BTBD8: variants seen among roughly 807,000 people sequenced by gnomAD.
BTBD8 encodes BTB domain containing 8, also known as BTB/POZ domain-containing protein 8.
Under a neutral mutation model 162.9 loss-of-function variants are expected in BTBD8, and 110 were observed. The ratio of observed to expected loss-of-function variants is 0.68; its 90% CI spans 0.58 to 0.79. The LOEUF is 0.79. BTBD8 is among the 30% of genes least tolerant of loss of function. BTBD8 has a pLI of 0.00. For synonymous variants in BTBD8, 667 were observed against 716.1 expected (o/e 0.93, Z 1.10); for missense variants, 1,905 against 2,085.4 (o/e 0.91, Z 1.68).
intron 4 of BTBD8, among the ~76,000 whole-genome samples, chr1:92,119,883 C>A (rs1318202087): frequency 7.1e-6 from 1 of 140,060 alleles, no homozygotes; most frequent in Admixed American, 7.3e-5. Flanking sequence ...CCACTGCACC[C>A]GGCCCTTTTC....
intron 16 of BTBD8, among the ~76,000 whole-genome samples, chr1:92,179,713 G>C (rs1030730619): frequency 1.3e-5 from 2 of 152,044 alleles, no homozygotes; most frequent in African/African-American, 2.4e-5. Context: ...GTTTCCACTG[G>C]AGATCTAAGT....
chr1:92,132,821 T>C (rs1222203678), intron 5 of BTBD8, among the ~76,000 whole-genome samples: 13 of 152,096 alleles, frequency 8.5e-5, no homozygotes, highest in Admixed American at 7.9e-4. Context: ...GCATTGAAAA[T>C]GAAGATACTT....
rs1285034976 is a variant in BTBD8 at position 92,181,351 on chromosome 1, G to T, written c.3668G>T (p.Ser1223Ile). 3.2e-6 allele frequency: 5 copies of T among 1,551,618 alleles called. No individual in the cohort carries two copies. Among genetic ancestry groups the T allele is most frequent in the Non-Finnish European group, 4.4e-6 (5 of 1,146,964 alleles). Residue 1223 changes from serine to isoleucine, a missense_variant, in exon 17 of 18, where the codon AGC becomes ATC. Physicochemically the swap from Ser to Ile is moderately radical, Grantham distance 142. Coordinates refer to ENST00000636805, the MANE Select transcript of BTBD8 (RefSeq NM_001376131.1). ...KNMETSESPE[S>I]HETPETPFVG... Reference sequence around the variant, plus strand: ...ATGGAAACATCAGAATCTCCAGAGAGCCATGAAACTCCAGAAACTCCATTT... The same window carrying T: ...ATGGAAACATCAGAATCTCCAGAGATCCATGAAACTCCAGAAACTCCATTT...
chr1:92,183,886 A>G lies in BTBD8; in HGVS notation c.4935A>G (p.Thr1645=), dbSNP rs1377735666. 2 of 1,549,804 alleles carry G rather than the reference A, an allele frequency of 1.3e-6. No individual in the cohort carries two copies. Among genetic ancestry groups the G allele is most frequent in the South Asian group, 2.4e-5 (2 of 83,934 alleles). Reference sequence around the variant, plus strand: ...CAGGAGACATAGATGATTGTGACACACTGGCACAAACCCGCATGTATGACC... The same window carrying G: ...CAGGAGACATAGATGATTGTGACACGCTGGCACAAACCCGCATGTATGACC... ...LSAGDIDDCD[T]LAQTRMYDHR... is the part of the protein sequence containing the mutation. The change falls in exon 18 of 18, where the codon ACA becomes ACG. Residue 1645 remains threonine, a synonymous_variant. Coordinates refer to ENST00000636805, the MANE Select transcript of BTBD8 (RefSeq NM_001376131.1).
At chr1:92,083,907 A>G (rs1356099838) in intron 1 of BTBD8, among the ~76,000 whole-genome samples, 3 of 152,224 alleles carry the variant, frequency 2.0e-5, no homozygotes, top group African/African-American at 7.2e-5. Context: ...CATGTAGGCT[A>G]CTACCATACC....
rs60531456 is a variant in BTBD8, at chr1:92,128,020, A to G, written c.663-1667A>G. ...CTATCTGGCATTTATTTCTCTAGCAAACTTTTTAAAAAGTGAACTTATGTT... is the reference window on the plus strand; with the variant it reads ...CTATCTGGCATTTATTTCTCTAGCAGACTTTTTAAAAAGTGAACTTATGTT... On this transcript the variant is annotated intron_variant, in intron 4 of 17. Coordinates refer to ENST00000636805, the MANE Select transcript of BTBD8 (RefSeq NM_001376131.1). Among the ~76,000 whole-genome samples, 443 of 152,296 alleles carry G rather than the reference A, an allele frequency of 2.9e-3. 1 individual carries two copies. Among genetic ancestry groups the G allele is most frequent in the African/African-American group, 9.6e-3 (400 of 41,560 alleles).
chr1:92,088,238 T>G (rs1381901908), intron 1 of BTBD8, among the ~76,000 whole-genome samples: 1 of 152,336 alleles, frequency 6.6e-6, no homozygotes, highest in East Asian at 1.9e-4. Flanking sequence ...TCTACTGATA[T>G]GTGTGGTTTG....
At chr1:92,089,307 C>T (rs1230369036) in intron 2 of BTBD8, among the ~76,000 whole-genome samples, 1 of 151,978 alleles carries the variant, frequency 6.6e-6, no homozygotes, top group African/African-American at 2.4e-5. Context: ...TAGTTGTGAC[C>T]GAAATGTCTC....
chr1:92,122,361 C>T (rs888780949), intron 4 of BTBD8, among the ~76,000 whole-genome samples: 1 of 150,914 alleles, frequency 6.6e-6, no homozygotes, highest in Non-Finnish European at 1.5e-5. Context: ...CAGGTTCAAA[C>T]GATTCTCCTG....
At position 92,102,574 on chromosome 1, in the gene BTBD8, G is replaced by A. The variant is rs748410461; in HGVS notation, c.449G>A (p.Ser150Asn). The change falls in exon 3 of 18, where the codon AGT becomes AAT. Residue 150 changes from serine (S) to asparagine (N), a missense_variant. Transcript: ENST00000636805. ...IGISQKQLDISFPKCENSSDC... is the reference protein window; with the variant it reads ...IGISQKQLDINFPKCENSSDC... ...ATATCACAAAAGCAACTTGACATCA[G>A]TTTTCCAAAGTGTGAAAACTCATCT... is the stretch of plus-strand genomic sequence containing the variant. The A allele has an allele frequency of 1.3e-6, 2 of 1,598,464 alleles. No individual in the cohort carries two copies. Among genetic ancestry groups the A allele is most frequent in the South Asian group, 1.1e-5 (1 of 87,754 alleles).
intron 9 of BTBD8, among the ~76,000 whole-genome samples, chr1:92,149,811 C>T (rs1475077074): frequency 1.3e-5 from 2 of 152,164 alleles, no homozygotes; most frequent in Non-Finnish European, 2.9e-5. Flanking sequence ...TCTAGCTCCA[C>T]AATGAAAGGC....
At chr1:92,105,352 A>C (rs1648699676) in intron 3 of BTBD8, among the ~76,000 whole-genome samples, 2 of 152,078 alleles carry the variant, frequency 1.3e-5, no homozygotes, top group Non-Finnish European at 2.9e-5. Context: ...TCCCAGGCCC[A>C]AGTGATCCTC....
intron 3 of BTBD8, among the ~76,000 whole-genome samples, chr1:92,107,596 G>A (rs1425735863): frequency 6.6e-6 from 1 of 152,130 alleles, no homozygotes; most frequent in African/African-American, 2.4e-5. Context: ...TGTTCACACA[G>A]GAATGAAATC....
In BTBD8 at chr1:92,125,273, G is replaced by T. The variant is rs1039358230; in HGVS notation, c.663-4414G>T. The T allele has an allele frequency of 1.8e-5, 3 of 170,814 alleles. No individual in the cohort carries two copies. In the East Asian group the frequency reaches 5.4e-4, roughly 31 times the overall value. The allele number at this position is 170,814 out of a possible 1,614,324, so 10.6% of individuals were successfully genotyped here. A position where few individuals can be genotyped will look rare whatever the true frequency, so the allele number is the denominator to read the frequency against. On this transcript the variant is annotated intron_variant, in intron 4 of 17. Transcript: ENST00000636805. ...GAAGAGCAGAAGAAAGAATAGAGGG[G>T]ACCTGAGACACTCAGAGAGAGACAG...
In BTBD8 at chr1:92,119,893, C is replaced by CT. The variant is rs58297367; in HGVS notation, c.663-9769dup. ...GTGAGCCACTGCACCCGGCCCTTTTCTTTTTTTTTTTTTTTTTTTTTTTTT... is the reference window on the plus strand; with the variant it reads ...GTGAGCCACTGCACCCGGCCCTTTTCTTTTTTTTTTTTTTTTTTTTTTTTTT... On this transcript the variant is annotated intron_variant, in intron 4 of 17. Coordinates refer to ENST00000636805, the MANE Select transcript of BTBD8 (RefSeq NM_001376131.1). Among the ~76,000 whole-genome samples, 567 of 58,384 alleles carry CT rather than the reference C, an allele frequency of 9.7e-3. 25 individuals are homozygous for CT. The highest frequency in any genetic ancestry group is 0.015 in the African/African-American group (230 of 15,770). The allele number at this position is 58,384 out of a possible 152,430, so 38.3% of individuals were successfully genotyped here.
At chr1:92,101,666 C>T (rs1303881309) in intron 2 of BTBD8, among the ~76,000 whole-genome samples, 4 of 152,152 alleles carry the variant, frequency 2.6e-5, no homozygotes, top group African/African-American at 9.7e-5. Flanking sequence ...TTTATAGACT[C>T]CTTTTCAAAC....
chr1:92,175,409 G>A (rs1650681737), intron 13 of BTBD8, among the ~76,000 whole-genome samples: 2 of 146,894 alleles, frequency 1.4e-5, no homozygotes, highest in Admixed American at 1.4e-4. Context: ...AACCTGGGAG[G>A]CGGAGGTTGC....
At chr1:92,176,722 T>C (rs1428503241) in intron 13 of BTBD8, 107 bp from the exon 14 acceptor site, 2 of 571,938 alleles carry the variant, frequency 3.5e-6, no homozygotes, top group Non-Finnish European at 5.7e-6. Flanking sequence ...AATCATAATA[T>C]GAACTTTTCT....
chr1:92,175,703 G>A (rs540679174), intron 13 of BTBD8, among the ~76,000 whole-genome samples: 1 of 151,992 alleles, frequency 6.6e-6, no homozygotes, highest in East Asian at 1.9e-4. Context: ...GGCTGAGGCA[G>A]GAGATTGCTT....
Sources: allele counts gnomAD v4.1 joint callset (sites outside exome capture counted in the v4.1 genomes callset), GRCh38; gene constraint gnomAD v4.1.1; transcripts MANE v1.5; gene names NCBI Gene and HGNC (gene_info 2026-07-23, HGNC 2026-07-21).